The following GALNTL6 variants were observed in gnomAD, a reference collection of about 807,000 sequenced individuals.
GALNTL6 encodes the protein polypeptide N-acetylgalactosaminyltransferase-like 6.
A neutral mutation model predicts 73.7 loss-of-function variants in GALNTL6; 46 were observed. The observed-to-expected ratio is 0.62, with a 90% CI of 0.49 to 0.80. The LOEUF (loss-of-function observed/expected upper bound fraction) is 0.80, where lower values mean the gene tolerates loss of function less well. Among genes scored for constraint, GALNTL6 ranks in the 30% least tolerant of loss-of-function variants. The pLI is 0.00. For missense variants in GALNTL6, 604 were observed against 755.0 expected, an observed-to-expected ratio of 0.80 and a Z score of 2.34; for synonymous variants, 259 against 263.7, an observed-to-expected ratio of 0.98 and a Z score of 0.17.
intron 5 of GALNTL6, among the ~76,000 whole-genome samples, chr4:172,515,901 C>T (rs1157068695): frequency 2.0e-5 from 3 of 152,200 alleles, no homozygotes; most frequent in Non-Finnish European, 2.9e-5. Context: ...TGCCTTTGCA[C>T]TCTGCTCGAA....
At chr4:172,972,861 A>G (rs1750644798) in intron 10 of GALNTL6, among the ~76,000 whole-genome samples, 3 of 152,234 alleles carry the variant, frequency 2.0e-5, no homozygotes, top group African/African-American at 7.2e-5. Context: ...TGTAAATTTA[A>G]AATGATATTT....
chr4:173,024,808 AC>A (rs1326253911), intron 12 of GALNTL6, among the ~76,000 whole-genome samples: 2 of 152,094 alleles, frequency 1.3e-5, no homozygotes, highest in Admixed American at 1.3e-4. Context: ...CGAACTCCTG[AC>A]CTCAGGGGAT....
chr4:171,924,504 G>C (rs547645740), intron 2 of GALNTL6, among the ~76,000 whole-genome samples: 55 of 152,218 alleles, frequency 3.6e-4, no homozygotes, highest in African/African-American at 1.2e-3. Context: ...ATATAAAAGG[G>C]ATAAGATCAT....
At chr4:172,681,992 A>G (rs566405693) in intron 5 of GALNTL6, among the ~76,000 whole-genome samples, 3 of 152,318 alleles carry the variant, frequency 2.0e-5, no homozygotes, top group African/African-American at 7.2e-5. Context: ...CTGAAGAGGA[A>G]AGGTAGGACA....
chr4:172,310,873 T>C (rs1178483283), intron 3 of GALNTL6, among the ~76,000 whole-genome samples: 3 of 151,862 alleles, frequency 2.0e-5, no homozygotes, highest in Non-Finnish European at 4.4e-5. Flanking sequence ...TTGCAACATA[T>C]GTAATTAACA....
At chr4:171,919,520 G>A (rs138168334) in intron 2 of GALNTL6, among the ~76,000 whole-genome samples, 107 of 152,188 alleles carry the variant, frequency 7.0e-4, no homozygotes, top group African/African-American at 2.0e-3. Flanking sequence ...TTAGTCAGAT[G>A]ATGGTGATAT....
At chr4:172,933,036 TG>T (rs1167829711) in intron 9 of GALNTL6, among the ~76,000 whole-genome samples, 4 of 152,182 alleles carry the variant, frequency 2.6e-5, no homozygotes, top group Non-Finnish European at 5.9e-5. Flanking sequence ...GAGCTGAATT[TG>T]GGTAAGGAAA....
intron 3 of GALNTL6, among the ~76,000 whole-genome samples, chr4:172,286,663 G>A (rs537563365): frequency 2.6e-5 from 4 of 152,110 alleles, no homozygotes; most frequent in Non-Finnish European, 5.9e-5. Flanking sequence ...TAAAGATAAC[G>A]GAATGGAGCA....
chr4:172,114,254 G>GA (rs1262131863), intron 2 of GALNTL6, among the ~76,000 whole-genome samples: 1 of 152,022 alleles, frequency 6.6e-6, no homozygotes, highest in African/African-American at 2.4e-5. Context: ...ATTTTTGTTA[G>GA]AAAAGATGCT....
At chr4:171,873,803 CTATACT>C (rs1417810971) in intron 2 of GALNTL6, among the ~76,000 whole-genome samples, 2 of 152,110 alleles carry the variant, frequency 1.3e-5, no homozygotes, top group Non-Finnish European at 2.9e-5. Flanking sequence ...CTGTACTTAA[CTATACT>C]TTTACCAGTC....
intron 5 of GALNTL6, among the ~76,000 whole-genome samples, chr4:172,461,091 A>C (rs1339892842): frequency 6.6e-6 from 1 of 152,176 alleles, no homozygotes; most frequent in African/African-American, 2.4e-5. Flanking sequence ...GCTGGAAACC[A>C]TCATTCTCAG....
At chr4:172,953,143 CT>C (rs1298273997) in intron 10 of GALNTL6, among the ~76,000 whole-genome samples, 1 of 152,196 alleles carries the variant, frequency 6.6e-6, no homozygotes, top group Non-Finnish European at 1.5e-5. Flanking sequence ...CTGAACACTT[CT>C]ATTCAGTGGA....
chr4:171,993,496 T>C (rs1740398386), intron 2 of GALNTL6, among the ~76,000 whole-genome samples: 1 of 152,140 alleles, frequency 6.6e-6, no homozygotes, highest in South Asian at 2.1e-4. Context: ...TACCCTATTG[T>C]CAATGGACAG....
At chr4:171,835,991 A>G (rs568128731) in intron 2 of GALNTL6, among the ~76,000 whole-genome samples, 41 of 152,214 alleles carry the variant, frequency 2.7e-4, no homozygotes, top group African/African-American at 9.4e-4. Context: ...CATCTATACA[A>G]TCATTAGATT....
At chr4:173,007,947 T>G (rs1752374157) in intron 10 of GALNTL6, among the ~76,000 whole-genome samples, 1 of 152,230 alleles carries the variant, frequency 6.6e-6, no homozygotes, top group Admixed American at 6.5e-5. Flanking sequence ...CTAACATAAT[T>G]GTAAAGAATT....
chr4:171,921,759 G>C (rs76205453), intron 2 of GALNTL6, among the ~76,000 whole-genome samples: 1 of 151,960 alleles, frequency 6.6e-6, no homozygotes, highest in East Asian at 1.9e-4. Flanking sequence ...CCCCTGACAA[G>C]TAGTTTTTAA....
intron 2 of GALNTL6, among the ~76,000 whole-genome samples, chr4:172,007,952 C>T (rs983960751): frequency 6.6e-6 from 1 of 151,796 alleles, no homozygotes; most frequent in Admixed American, 6.6e-5. Context: ...GCTGCCATTT[C>T]CTTACACCTG....
intron 2 of GALNTL6, among the ~76,000 whole-genome samples, chr4:172,172,983 G>A (rs1030553605): frequency 1.3e-5 from 2 of 152,220 alleles, no homozygotes; most frequent in Non-Finnish European, 2.9e-5. Context: ...TTCTCATCCA[G>A]CTGGGGAAAG....
At chr4:171,893,590 T>A (rs1007839917) in intron 2 of GALNTL6, among the ~76,000 whole-genome samples, 1 of 152,222 alleles carries the variant, frequency 6.6e-6, no homozygotes, top group African/African-American at 2.4e-5. Flanking sequence ...TCAACATTTT[T>A]ATTTATGTAA....
Sources: gnomAD v4.1 joint callset for allele counts (sites outside exome capture counted in the v4.1 genomes callset) on GRCh38, gnomAD v4.1.1 for gene constraint, MANE v1.5 for transcripts, NCBI Gene and HGNC (gene_info 2026-07-23, HGNC 2026-07-21) for gene names.